The following CYTH1 variants were observed in gnomAD, a reference collection of about 807,000 sequenced individuals.
CYTH1 encodes cytohesin 1, also known as cytohesin-1.
Under a neutral mutation model 61.8 loss-of-function variants are expected in CYTH1, and 18 were observed. The ratio of observed to expected loss-of-function variants is 0.29; its 90% CI spans 0.20 to 0.43. The LOEUF (loss-of-function observed/expected upper bound fraction) is 0.43, where lower values mean the gene tolerates loss of function less well. Among genes scored for constraint, CYTH1 ranks in the 20% least tolerant of loss-of-function variants. The pLI, the probability that CYTH1 is intolerant of heterozygous loss-of-function variation, is 1.00. For missense variants in CYTH1, 336 were observed against 510.5 expected (o/e 0.66, Z 3.29); for synonymous variants, 174 against 184.3 (o/e 0.94, Z 0.45).
chr17:78,723,662 C>A, intron 1 of CYTH1: 1 of 152,616 alleles, frequency 6.6e-6, no homozygotes, highest in Non-Finnish European at 1.5e-5. Context: ...GGAGGGGAGG[C>A]ACCACCAGCA....
At chr17:78,688,428 CCTCT>C (rs2092839595) in intron 11 of CYTH1, among the ~76,000 whole-genome samples, 1 of 152,192 alleles carries the variant, frequency 6.6e-6, no homozygotes, top group Non-Finnish European at 1.5e-5. Flanking sequence ...ACTCGTTAAT[CCTCT>C]CTAACAATTG....
intron 11 of CYTH1, among the ~76,000 whole-genome samples, chr17:78,685,741 T>C (rs1360005373): frequency 1.3e-5 from 2 of 152,058 alleles, no homozygotes; most frequent in Non-Finnish European, 2.9e-5. Context: ...TTCAAGAAGG[T>C]TCCAAAGTGC....
chr17:78,780,345 A>G (rs897348745), intron 1 of CYTH1, among the ~76,000 whole-genome samples: 7 of 151,984 alleles, frequency 4.6e-5, no homozygotes, highest in African/African-American at 1.5e-4. Context: ...TCTCTACAAA[A>G]AGAAATAAAA....
chr17:78,732,326 A>G (rs1482022096), intron 1 of CYTH1, among the ~76,000 whole-genome samples: 3 of 152,196 alleles, frequency 2.0e-5, no homozygotes, highest in Non-Finnish European at 4.4e-5. Flanking sequence ...CATATTCCAT[A>G]ATGAAGAGAA....
At chr17:78,723,716 A>G (rs2093249634) in intron 1 of CYTH1, 1 of 152,348 alleles carries the variant, frequency 6.6e-6, no homozygotes, top group African/African-American at 2.4e-5. Flanking sequence ...CCTCAGAAGC[A>G]AAAGCCTAAT....
intron 7 of CYTH1, among the ~76,000 whole-genome samples, chr17:78,699,686 G>A (rs2092987768): frequency 1.3e-5 from 2 of 152,078 alleles, no homozygotes; most frequent in Non-Finnish European, 2.9e-5. Flanking sequence ...GATATATACT[G>A]TAACAAAACT....
intron 11 of CYTH1, among the ~76,000 whole-genome samples, chr17:78,681,846 A>AAC (rs1555600899): frequency 2.5e-5 from 3 of 119,390 alleles, no homozygotes; most frequent in Non-Finnish European, 3.9e-5. Context: ...TCAAAAAAAA[A>AAC]AAAAAAAAAC....
chr17:78,712,096 AGAAG>A lies in CYTH1; in HGVS notation c.23-2368_23-2365del, dbSNP rs532289129. 1.1e-3 allele frequency among the ~76,000 whole-genome samples: 147 copies of A among 128,574 alleles called. 1 individual carries two copies. Among genetic ancestry groups the A allele is most frequent in the African/African-American group, 4.0e-3 (143 of 35,886 alleles). 84.3% of individuals were successfully genotyped at this position (128,574 alleles called of 152,430 possible). A position where few individuals can be genotyped will look rare whatever the true frequency, so the allele number is the denominator to read the frequency against. On this transcript the variant is annotated intron_variant, in intron 1 of 13. Coordinates refer to ENST00000446868, the MANE Select transcript of CYTH1 (RefSeq NM_004762.6). ...AAGAAAGAAAGAAGGAAAGAAGGAA[AGAAG>A]GAAGGAAGGAAGGGAGGAAGGAAGG...
At chr17:78,747,956 G>C (rs2093365748) in intron 1 of CYTH1, among the ~76,000 whole-genome samples, 1 of 152,102 alleles carries the variant, frequency 6.6e-6, no homozygotes, top group African/African-American at 2.4e-5. Flanking sequence ...CTATGCTCGG[G>C]TCCACTCTCA....
chr17:78,693,108 C>T (rs1056526876), intron 10 of CYTH1, among the ~76,000 whole-genome samples: 11 of 152,156 alleles, frequency 7.2e-5, no homozygotes, highest in Non-Finnish European at 1.0e-4. Context: ...CAAAATCTCC[C>T]GGGTCCTGGG....
At chr17:78,769,325 C>A (rs146687929) in intron 1 of CYTH1, among the ~76,000 whole-genome samples, 15 of 152,126 alleles carry the variant, frequency 9.9e-5, no homozygotes, top group Middle Eastern at 6.8e-3. Flanking sequence ...ACTCTCCAGG[C>A]ACAAAGAACC....
rs754824796 is a variant in CYTH1 at position 78,760,458 on chromosome 17, T to TAC, written c.22+21742_22+21743dup. On this transcript the variant is annotated intron_variant, in intron 1 of 13. Transcript: ENST00000446868. The stretch of plus-strand genomic sequence containing the variant: ...ATATATATATGTATATATATATACA[T>TAC]ACATATATATATGTATATATATGTA... Among the ~76,000 whole-genome samples the TAC allele has an allele frequency of 3.3e-3, 171 of 52,078 alleles. 21 individuals carry two copies. Among genetic ancestry groups the TAC allele is most frequent in the South Asian group, 0.024 (42 of 1,752 alleles). The allele number at this position is 52,078 out of a possible 152,430, so 34.2% of individuals were successfully genotyped here.
At chr17:78,761,287 A>T (rs997003513) in intron 1 of CYTH1, among the ~76,000 whole-genome samples, 1 of 152,212 alleles carries the variant, frequency 6.6e-6, no homozygotes, top group Non-Finnish European at 1.5e-5. Flanking sequence ...AGGGGAACTA[A>T]TTCTCACAGG....
At position 78,717,816 on chromosome 17, in the gene CYTH1, G is replaced by A. The variant is rs1447911121; in HGVS notation, c.23-8084C>T. ...TCCCCGTGGGTACCGTCAAATGAAC[G>A]TGTCCAAGGCATGCTTTAGGACCAG... On this transcript the variant is annotated intron_variant, in intron 1 of 13. Transcript: ENST00000446868. This position sits in a 1 kb window ranked among gnomAD's most constrained non-coding sequence, Gnocchi z 4.4. Among the ~76,000 whole-genome samples the A allele has an allele frequency of 1.3e-5, 2 of 152,100 alleles. No homozygotes were observed. The highest frequency in any genetic ancestry group is 4.8e-5 in the African/African-American group (2 of 41,404).
In CYTH1 at chr17:78,702,425, C is replaced by T. The variant is rs185054239; in HGVS notation, c.237+113G>A. On this transcript the variant is annotated intron_variant, in intron 4 of 13. Transcript: ENST00000446868. ...GGCTTAGTGCATAACATTTGCTCTA[C>T]AAAACGGCAACATGAACTGTAACGC... 32 of 1,235,710 alleles carry T rather than the reference C, an allele frequency of 2.6e-5. No individual in the cohort carries two copies. In the Admixed American group the frequency reaches 5.7e-4, roughly 22 times the overall value. The allele number at this position is 1,235,710 out of a possible 1,614,324, so 76.5% of individuals were successfully genotyped here. A position where few individuals can be genotyped will look rare whatever the true frequency, so the allele number is the denominator to read the frequency against.
intron 11 of CYTH1, among the ~76,000 whole-genome samples, chr17:78,684,223 T>A (rs762551019): frequency 6.6e-6 from 1 of 152,190 alleles, no homozygotes; most frequent in Non-Finnish European, 1.5e-5. Flanking sequence ...AGCACACTCA[T>A]CCTGCCACTT....
chr17:78,739,485 G>A (rs566136266), intron 1 of CYTH1, among the ~76,000 whole-genome samples: 2 of 152,348 alleles, frequency 1.3e-5, no homozygotes, highest in South Asian at 4.1e-4. Flanking sequence ...AGGGCCAGGA[G>A]GCTACTGTGG....
At chr17:78,755,870 C>T (rs1313116896) in intron 1 of CYTH1, among the ~76,000 whole-genome samples, 2 of 150,418 alleles carry the variant, frequency 1.3e-5, no homozygotes, top group East Asian at 3.9e-4. Context: ...GTGTTCATGC[C>T]ACCACACTCC....
intron 10 of CYTH1, 27 bp from the exon 11 acceptor site, chr17:78,692,520 C>A (rs758923238): frequency 1.9e-6 from 3 of 1,610,764 alleles, no homozygotes; most frequent in Non-Finnish European, 2.5e-6. Flanking sequence ...GATGCACGTT[C>A]GACAAGAGAC....
Sources: allele counts gnomAD v4.1 joint callset (sites outside exome capture counted in the v4.1 genomes callset), GRCh38; gene constraint gnomAD v4.1.1; non-coding constraint Gnocchi (gnomAD v3.1); transcripts MANE v1.5; gene names NCBI Gene and HGNC (gene_info 2026-07-23, HGNC 2026-07-21).